DLC1: variants seen among roughly 807,000 people sequenced by gnomAD.
DLC1 encodes rho GTPase-activating protein 7.
Under a neutral mutation model 140.3 loss-of-function variants are expected in DLC1, and 54 were observed. The ratio of observed to expected loss-of-function variants is 0.38; its 90% CI spans 0.31 to 0.48. The LOEUF (loss-of-function observed/expected upper bound fraction) is 0.48. Ranked by LOEUF, DLC1 falls within the 20% of genes least tolerant of loss-of-function variation. The pLI is 0.96. For missense variants in DLC1, 2,536 were observed against 1,907.0 expected (o/e 1.33, Z -6.14); for synonymous variants, 986 against 728.1 (o/e 1.35, Z -5.70).
intron 2 of DLC1, among the ~76,000 whole-genome samples, chr8:13,432,040 T>A (rs1189386931): frequency 6.6e-6 from 1 of 152,232 alleles, no homozygotes; most frequent in East Asian, 1.9e-4. Context: ...TCAAATCTCC[T>A]GTTGAAAAGA....
intron 1 of DLC1, chr8:13,567,678 G>T: frequency 6.4e-7 from 1 of 1,551,916 alleles, no homozygotes; most frequent in Non-Finnish European, 8.7e-7. Flanking sequence ...TACTCCAAGA[G>T]AGAATAGATG....
At chr8:13,444,743 C>G (rs990197957) in intron 2 of DLC1, among the ~76,000 whole-genome samples, 3 of 152,110 alleles carry the variant, frequency 2.0e-5, no homozygotes, top group African/African-American at 4.8e-5. Context: ...AAGCAAATAT[C>G]ATTCCATGTT....
chr8:13,411,203 A>G (rs1347436419), intron 2 of DLC1, among the ~76,000 whole-genome samples: 1 of 152,214 alleles, frequency 6.6e-6, no homozygotes. Flanking sequence ...ACAGTGGTAC[A>G]TTTAGACAAA....
chr8:13,100,078 G>T lies in DLC1; in HGVS notation c.2259C>A (p.Val753=), dbSNP rs141272973. 397 of 1,613,464 alleles carry T rather than the reference G, an allele frequency of 2.5e-4. 1 individual carries two copies. Among genetic ancestry groups the T allele is most frequent in the Middle Eastern group, 6.6e-4 (4 of 6,084 alleles). ...TCCTCGTAACAGGGCTGGGCGTGCT[G>T]ACCGCGCTGCTGGTCTCCGACTGGC... ...SSSQSETSSA[V]STPSPVTRTR... The change falls in exon 9 of 18, where the codon GTC becomes GTA. Residue 753 remains valine, a synonymous_variant. Coordinates refer to ENST00000276297, the MANE Select transcript of DLC1 (RefSeq NM_182643.3).
At chr8:13,599,792 A>T (rs1805808762) in intron 1 of DLC1, among the ~76,000 whole-genome samples, 1 of 151,950 alleles carries the variant, frequency 6.6e-6, no homozygotes, top group Admixed American at 6.6e-5. Flanking sequence ...GGGAAATGCA[A>T]AGGTCCTTTA....
chr8:13,199,790 G>C (rs1827276725), intron 5 of DLC1, among the ~76,000 whole-genome samples: 1 of 152,130 alleles, frequency 6.6e-6, no homozygotes, highest in African/African-American at 2.4e-5. Flanking sequence ...TTTGAAACTA[G>C]ATGTTCCATC....
intron 2 of DLC1, among the ~76,000 whole-genome samples, chr8:13,477,070 A>G (rs1800464556): frequency 1.3e-5 from 2 of 152,196 alleles, no homozygotes; most frequent in South Asian, 4.1e-4. Context: ...CTATTCACCC[A>G]TCCGTCTGCT....
chr8:13,292,314 A>G (rs1394485340), intron 5 of DLC1, among the ~76,000 whole-genome samples: 1 of 152,138 alleles, frequency 6.6e-6, no homozygotes, highest in Non-Finnish European at 1.5e-5. Flanking sequence ...CTCTGTTTAT[A>G]TTCTATTGTC....
intron 5 of DLC1, among the ~76,000 whole-genome samples, chr8:13,193,327 A>G (rs1259570657): frequency 1.3e-5 from 2 of 152,132 alleles, no homozygotes; most frequent in Non-Finnish European, 2.9e-5. Flanking sequence ...TTAGAAAAAA[A>G]TTGAGTGTCG....
intron 2 of DLC1, among the ~76,000 whole-genome samples, chr8:13,427,939 C>CT (rs1402734539): frequency 6.6e-6 from 1 of 152,170 alleles, no homozygotes; most frequent in Non-Finnish European, 1.5e-5. Flanking sequence ...ATTCCACACT[C>CT]TGACTGCTTG....
At chr8:13,171,569 C>CT in intron 5 of DLC1, among the ~76,000 whole-genome samples, 1 of 151,992 alleles carries the variant, frequency 6.6e-6, no homozygotes, top group East Asian at 1.9e-4. Context: ...TTTTTATTTT[C>CT]TTTTTTGTAG....
intron 1 of DLC1, among the ~76,000 whole-genome samples, chr8:13,538,097 C>G (rs908441752): frequency 1.2e-4 from 18 of 152,200 alleles, no homozygotes; most frequent in African/African-American, 3.6e-4. Flanking sequence ...TGTGTTGAAA[C>G]TTCACAGCAT....
intron 1 of DLC1, among the ~76,000 whole-genome samples, chr8:13,569,622 T>C (rs990080252): frequency 1.3e-5 from 2 of 152,200 alleles, no homozygotes; most frequent in African/African-American, 2.4e-5. Context: ...TTCTTCCTTT[T>C]TATTTTTCAA....
chr8:13,133,824 G>C (rs2128965575), intron 5 of DLC1, among the ~76,000 whole-genome samples: 1 of 152,240 alleles, frequency 6.6e-6, no homozygotes, highest in South Asian at 2.1e-4. Flanking sequence ...CGGAGAGGAA[G>C]GGATGGTCAG....
At chr8:13,143,618 T>C (rs1342123893) in intron 5 of DLC1, among the ~76,000 whole-genome samples, 1 of 99,622 alleles carries the variant, frequency 1.0e-5, no homozygotes, top group Non-Finnish European at 2.2e-5. Context: ...ATCACCCTGG[T>C]TGATTTTTTT....
chr8:13,499,130 A>T lies in DLC1; in HGVS notation c.942T>A (p.Asp314Glu). The T allele has an allele frequency of 6.2e-7, 1 of 1,614,152 alleles. No homozygotes were observed. Among genetic ancestry groups the T allele is most frequent in the Non-Finnish European group, 8.5e-7 (1 of 1,180,010 alleles). Residue 314 changes from aspartate (D) to glutamate (E), a missense_variant, in exon 2 of 18, where the codon GAT becomes GAA. Transcript: ENST00000276297. ...NKSPPKVKAE[D>E]GMQCLQLKET... ...CCTTTAATTGTAAACACTGCATGCC[A>T]TCTTCTGCCTTGACCTTTGGTGGAC...
chr8:13,203,365 G>A (rs193153893), intron 5 of DLC1, among the ~76,000 whole-genome samples: 27 of 152,268 alleles, frequency 1.8e-4, no homozygotes, highest in Middle Eastern at 3.4e-3. Flanking sequence ...AATTTCAGTG[G>A]GAAATTAGTA....
chr8:13,319,581 C>T (rs1303265676), intron 4 of DLC1, among the ~76,000 whole-genome samples: 4 of 122,712 alleles, frequency 3.3e-5, no homozygotes, highest in Non-Finnish European at 7.2e-5. Context: ...CGCCCTCTTC[C>T]TCCAGCGCCA....
At chr8:13,281,967 T>G (rs1043964305) in intron 5 of DLC1, among the ~76,000 whole-genome samples, 5 of 152,184 alleles carry the variant, frequency 3.3e-5, no homozygotes, top group Non-Finnish European at 7.4e-5. Context: ...GGACAGCATT[T>G]TGTTTTCTCA....
Sources: allele counts gnomAD v4.1 joint callset (sites outside exome capture counted in the v4.1 genomes callset), GRCh38; gene constraint gnomAD v4.1.1; transcripts MANE v1.5; gene names NCBI Gene and HGNC (gene_info 2026-07-23, HGNC 2026-07-21).